WWC1: variants seen among roughly 807,000 people sequenced by gnomAD.
The protein encoded by WWC1 is WW and C2 domain containing 1.
Under a neutral mutation model 138.4 loss-of-function variants are expected in WWC1, and 55 were observed. The ratio of observed to expected loss-of-function variants is 0.40; its 90% CI spans 0.32 to 0.50. The LOEUF is 0.50. Among genes scored for constraint, WWC1 ranks in the 20% least tolerant of loss-of-function variants. The pLI, the probability that WWC1 is intolerant of heterozygous loss-of-function variation, is 0.72. For synonymous variants in WWC1, 524 were observed against 564.9 expected, an observed-to-expected ratio of 0.93 and a Z score of 1.03; for missense variants, 1,226 against 1,420.4, an observed-to-expected ratio of 0.86 and a Z score of 2.20.
rs780881250 is a variant in WWC1 at position 168,431,335 on chromosome 5, T to C, written c.2171T>C (p.Leu724Pro). The change falls in exon 15 of 23, where the codon CTA becomes CCA. Residue 724 changes from leucine to proline, a missense_variant. Coordinates refer to ENST00000265293, the MANE Select transcript of WWC1 (RefSeq NM_015238.3). ...RTRPLDASDTLVFNEVFWVSM... is the reference protein window; with the variant it reads ...RTRPLDASDTPVFNEVFWVSM... ...CGGCCTCTGGACGCCTCAGACACTC[T>C]AGTGTTCAATGAGGTGTTCTGGGTA... The C allele has an allele frequency of 2.5e-6, 4 of 1,613,984 alleles. No homozygotes were observed. The highest frequency in any genetic ancestry group is 3.4e-6 in the Non-Finnish European group (4 of 1,180,006).
At chr5:168,324,324 T>A (rs1311184304) in intron 1 of WWC1, among the ~76,000 whole-genome samples, 1 of 152,008 alleles carries the variant, frequency 6.6e-6, no homozygotes, top group Non-Finnish European at 1.5e-5. Context: ...TCCCACCTAC[T>A]CAGGAGGCCG....
intron 17 of WWC1, among the ~76,000 whole-genome samples, chr5:168,446,704 G>A (rs1755304168): frequency 6.6e-6 from 1 of 152,142 alleles, no homozygotes; most frequent in East Asian, 1.9e-4. Flanking sequence ...GAAAACTGAG[G>A]AAATAATACT....
At chr5:168,310,836 T>TAAAAAAAAAAAAA (rs541770385) in intron 1 of WWC1, among the ~76,000 whole-genome samples, 3,687 of 111,160 alleles carry the variant, frequency 0.033, 186 homozygotes, top group African/African-American at 0.095. Context: ...AGACCCTGTC[T>TAAAAAAAAAAAAA]AAAAAAAAAG....
In WWC1 at chr5:168,409,892, A is replaced by G. The variant is rs561657189; in HGVS notation, c.868-30A>G. 8.7e-6 allele frequency: 14 copies of G among 1,613,422 alleles called. No homozygotes were observed. The South Asian group carries it at 1.1e-4, about 13-fold the overall frequency. The stretch of plus-strand genomic sequence containing the variant: ...ACTCAGCACCGGCCACAACAGCCAC[A>G]TAATTCCTGACTTTGTTCTTCTCCT... On this transcript the variant is annotated intron_variant, in intron 7 of 22. Transcript: ENST00000265293.
chr5:168,330,991 G>A (rs1217247666), intron 1 of WWC1, among the ~76,000 whole-genome samples: 3 of 152,184 alleles, frequency 2.0e-5, no homozygotes, highest in Non-Finnish European at 2.9e-5. Flanking sequence ...GTTTGGGGAT[G>A]TCAGAATGTC....
At chr5:168,437,415 T>C (rs1754338160) in intron 15 of WWC1, among the ~76,000 whole-genome samples, 1 of 152,238 alleles carries the variant, frequency 6.6e-6, no homozygotes, top group Admixed American at 6.5e-5. Flanking sequence ...TGGCAACTAT[T>C]TCTCTTTCTT....
At chr5:168,350,593 CT>C (rs986309557) in intron 1 of WWC1, among the ~76,000 whole-genome samples, 5 of 152,210 alleles carry the variant, frequency 3.3e-5, no homozygotes, top group African/African-American at 1.2e-4. Flanking sequence ...AAACATTGTT[CT>C]GTTTTTCTCC....
At chr5:168,389,912 G>T (rs2152823169) in intron 3 of WWC1, among the ~76,000 whole-genome samples, 1 of 152,296 alleles carries the variant, frequency 6.6e-6, no homozygotes, top group East Asian at 1.9e-4. Context: ...TCTAGATTTT[G>T]TCATAAGTGT....
chr5:168,410,304 G>A (rs904752582), intron 8 of WWC1: 20 of 340,042 alleles, frequency 5.9e-5, no homozygotes, highest in Non-Finnish European at 1.1e-4. Flanking sequence ...CCATGATCCT[G>A]TAAGCATTTT....
At chr5:168,339,960 T>C (rs1773885805) in intron 1 of WWC1, among the ~76,000 whole-genome samples, 1 of 132,782 alleles carries the variant, frequency 7.5e-6, no homozygotes, top group Non-Finnish European at 1.7e-5. Context: ...CCTCTCCCTC[T>C]CTCTCTCTGT....
chr5:168,364,767 A>G (rs530312393), intron 1 of WWC1, among the ~76,000 whole-genome samples: 3 of 152,198 alleles, frequency 2.0e-5, no homozygotes, highest in East Asian at 3.9e-4. Context: ...CAAAGTGCAT[A>G]CCCAGGCCCC....
rs10595228 is a variant in WWC1 at position 168,372,053 on chromosome 5, TTGTGTGTGTGTG to T, written c.229+550_229+561del. On this transcript the variant is annotated intron_variant, in intron 2 of 22. Transcript: ENST00000265293. ...AGAGAGAGAGAGAGAAAGAGTGTGT[TTGTGTGTGTGTG>T]TGTGTGTGTGTGTGTGTGTGTGTGT... 9.5e-4 allele frequency among the ~76,000 whole-genome samples: 134 copies of T among 141,364 alleles called. 1 individual carries two copies. Among genetic ancestry groups the T allele is most frequent in the South Asian group, 3.7e-3 (16 of 4,332 alleles). 92.7% of individuals were successfully genotyped at this position (141,364 alleles called of 152,430 possible).
At chr5:168,353,709 A>G (rs1313974465) in intron 1 of WWC1, among the ~76,000 whole-genome samples, 1 of 152,168 alleles carries the variant, frequency 6.6e-6, no homozygotes, top group Admixed American at 6.5e-5. Context: ...TCCACTGTGT[A>G]GTGTGTGGTT....
intron 9 of WWC1, among the ~76,000 whole-genome samples, chr5:168,421,284 C>A (rs1002123079): frequency 1.3e-5 from 2 of 152,164 alleles, no homozygotes; most frequent in African/African-American, 4.8e-5. Context: ...GCCCACCCGG[C>A]CACAGGGAAG....
chr5:168,385,529 C>A, intron 3 of WWC1, 115 bp downstream of exon 3: 1 of 1,049,392 alleles, frequency 9.5e-7, no homozygotes, highest in Non-Finnish European at 1.4e-6. Flanking sequence ...TACTCTTTGT[C>A]CAAACCACCA....
At chr5:168,354,169 G>A (rs1297050886) in intron 1 of WWC1, among the ~76,000 whole-genome samples, 2 of 151,810 alleles carry the variant, frequency 1.3e-5, no homozygotes, top group Non-Finnish European at 2.9e-5. Context: ...TCCTGCCTCA[G>A]CTACCCGAGT....
Position 168,422,080 on chromosome 5 carries a change from G to A in WWC1, c.1257G>A (p.Leu419=), listed in dbSNP as rs1781132712. The A allele has an allele frequency of 6.2e-7, 1 of 1,612,872 alleles. No individual in the cohort carries two copies. Among genetic ancestry groups the A allele is most frequent in the Non-Finnish European group, 8.5e-7 (1 of 1,179,316 alleles). The change falls in exon 10 of 23, where the codon CTG becomes CTA. Residue 419 remains leucine, a synonymous_variant. Coordinates refer to ENST00000265293, the MANE Select transcript of WWC1 (RefSeq NM_015238.3). ...AAGCCACCCGGCAGGTGGCAACTCT[G>A]CACTCCCAGCTGAAAAGGTGAGTGG... ...LEEATRQVAT[L]HSQLKSLSSS... is the part of the protein sequence containing the mutation.
At chr5:168,293,285 T>G (rs1301035671) in intron 1 of WWC1, among the ~76,000 whole-genome samples, 2 of 152,062 alleles carry the variant, frequency 1.3e-5, no homozygotes, top group Non-Finnish European at 2.9e-5. Context: ...GTGGGCAGAG[T>G]GTCTTGGGGA....
In WWC1 at chr5:168,292,192, G is replaced by T; in HGVS notation, c.40G>T (p.Glu14Ter). 1.9e-6 allele frequency: 3 copies of T among 1,554,026 alleles called. No homozygotes were observed. Among genetic ancestry groups the T allele is most frequent in the Non-Finnish European group, 2.6e-6 (3 of 1,149,158 alleles). ...PELPLPEGWE[E>*]ARDFDGKVYY... Reference sequence around the variant, plus strand: ...GCTGCCCCTGCCGGAGGGCTGGGAGGAGGCGCGCGACTTCGACGGCAAGGT... The same window carrying T: ...GCTGCCCCTGCCGGAGGGCTGGGAGTAGGCGCGCGACTTCGACGGCAAGGT... Residue 14 changes from glutamate to a stop codon, truncating the protein, a stop_gained, in exon 1 of 23, where the codon GAG becomes TAG. Coordinates refer to ENST00000265293, the MANE Select transcript of WWC1 (RefSeq NM_015238.3). LOFTEE classifies it high-confidence loss of function. This position sits in a 1 kb window ranked among gnomAD's most constrained non-coding sequence, Gnocchi z 4.4.
Sources: allele counts gnomAD v4.1 joint callset (sites outside exome capture counted in the v4.1 genomes callset), GRCh38; gene constraint gnomAD v4.1.1; non-coding constraint Gnocchi (gnomAD v3.1); transcripts MANE v1.5; gene names NCBI Gene and HGNC (gene_info 2026-07-23, HGNC 2026-07-21).